ZNF566: variants seen among roughly 807,000 people sequenced by gnomAD.
ZNF566 encodes zinc finger protein 566.
A neutral mutation model predicts 32.8 loss-of-function variants in ZNF566; 27 were observed. The observed-to-expected ratio is 0.82, with a 90% CI of 0.61 to 1.14. The LOEUF is 1.14. Among genes scored for constraint, ZNF566 ranks in the 50% most tolerant of loss-of-function variants. ZNF566 has a pLI of 0.00. For synonymous variants in ZNF566, 154 were observed against 159.5 expected, an observed-to-expected ratio of 0.97 and a Z score of 0.26; for missense variants, 402 against 490.4, an observed-to-expected ratio of 0.82 and a Z score of 1.70.
At chr19:36,486,327 G>C (rs1464119749) in intron 1 of ZNF566, among the ~76,000 whole-genome samples, 2 of 152,108 alleles carry the variant, frequency 1.3e-5, no homozygotes, top group African/African-American at 4.8e-5. Flanking sequence ...ATTGCACTGT[G>C]GGCACCTGCA....
chr19:36,470,620 T>C (rs2033737726), intron 4 of ZNF566, among the ~76,000 whole-genome samples: 1 of 152,112 alleles, frequency 6.6e-6, no homozygotes, highest in Admixed American at 6.6e-5. Context: ...AAAATATATG[T>C]TGCATCAAGG....
intron 1 of ZNF566, among the ~76,000 whole-genome samples, chr19:36,487,623 G>C (rs1026488095): frequency 2.6e-5 from 4 of 152,128 alleles, no homozygotes; most frequent in African/African-American, 9.7e-5. Context: ...GAATGTGTAA[G>C]ACAGCCAGAT....
At chr19:36,464,638 C>T (rs1192134862) in intron 4 of ZNF566, among the ~76,000 whole-genome samples, 1 of 151,906 alleles carries the variant, frequency 6.6e-6, no homozygotes, top group Non-Finnish European at 1.5e-5. Flanking sequence ...AAAAGTTAGC[C>T]GGGAGTGATG....
In ZNF566 at chr19:36,479,853, T is replaced by C. The variant is rs186134880; in HGVS notation, c.-59-3237A>G. The stretch of plus-strand genomic sequence containing the variant: ...TTGCGTGTTTGCTTGGTTTTAGTTG[T>C]TTTTTTGTTTTTGTTTTTGTTTTGG... On this transcript the variant is annotated intron_variant, in intron 1 of 4. Transcript: ENST00000452939. Among the ~76,000 whole-genome samples, 210 of 152,172 alleles carry C rather than the reference T, an allele frequency of 1.4e-3. 1 individual carries two copies. The highest frequency in any genetic ancestry group is 3.4e-3 in the Middle Eastern group (1 of 294).
chr19:36,486,632 T>A lies in ZNF566; in HGVS notation c.-60+2854A>T, dbSNP rs1352309668. Reference sequence around the variant, plus strand: ...GTTGCAGTGAGCTGAGATCATGCCATTGCACTCCAGCCTGGGCAGCAAGAG... The same window carrying A: ...GTTGCAGTGAGCTGAGATCATGCCAATGCACTCCAGCCTGGGCAGCAAGAG... On this transcript the variant is annotated intron_variant, in intron 1 of 4. Transcript: ENST00000452939. Among the ~76,000 whole-genome samples, 3 of 138,562 alleles carry A rather than the reference T, an allele frequency of 2.2e-5. No individual in the cohort carries two copies. In the South Asian group the frequency reaches 6.7e-4, roughly 31 times the overall value. 90.9% of individuals were successfully genotyped at this position (138,562 alleles called of 152,430 possible).
intron 1 of ZNF566, among the ~76,000 whole-genome samples, chr19:36,479,924 T>C (rs1415359404): frequency 6.6e-6 from 1 of 152,170 alleles, no homozygotes; most frequent in African/African-American, 2.4e-5. Context: ...CTTAAACTCT[T>C]GGGCTCAAGC....
chr19:36,457,255 G>A (rs771383724), intron 4 of ZNF566, among the ~76,000 whole-genome samples: 1 of 152,028 alleles, frequency 6.6e-6, no homozygotes, highest in South Asian at 2.1e-4. Flanking sequence ...ACTCAAAATG[G>A]ATTAAAGACT....
Position 36,446,953 on chromosome 19 carries a change from T to A in ZNF566, c.*2024A>T, listed in dbSNP as rs1319486315. The A allele has an allele frequency of 6.6e-6, 1 of 152,090 alleles. No individual in the cohort carries two copies. 9.4% of individuals were successfully genotyped at this position (152,090 alleles called of 1,614,324 possible). ...AGCGTGGGGAGCTGCTTGCTGAGCA[T>A]GTTTTGAGCACAGGGAAGGCCCATT... On this transcript the variant is annotated 3_prime_UTR_variant, in exon 5 of 5. Coordinates refer to ENST00000452939, the MANE Select transcript of ZNF566 (RefSeq NM_001145344.1).
intron 4 of ZNF566, among the ~76,000 whole-genome samples, chr19:36,455,717 G>A (rs1373783825): frequency 2.0e-5 from 3 of 151,886 alleles, no homozygotes; most frequent in Non-Finnish European, 4.4e-5. Context: ...TCCAGCCTGG[G>A]TGACAGAGCG....
intron 2 of ZNF566, 76 bp from the exon 3 acceptor site, chr19:36,473,534 G>T: frequency 7.2e-7 from 1 of 1,397,560 alleles, no homozygotes; most frequent in Non-Finnish European, 9.6e-7. Context: ...AGAAGAAAAA[G>T]ATTAAGGTAG....
intron 1 of ZNF566, among the ~76,000 whole-genome samples, chr19:36,487,106 AC>A (rs60568028): frequency 0.24 from 30,893 of 130,704 alleles, 4,373 homozygotes; most frequent in South Asian, 0.33. Flanking sequence ...AAAAAAAAAA[AC>A]AAACCAAAAC....
chr19:36,467,961 C>T (rs545703957), intron 4 of ZNF566, among the ~76,000 whole-genome samples: 9 of 151,130 alleles, frequency 6.0e-5, no homozygotes, highest in East Asian at 3.9e-4. Flanking sequence ...CGAGGCAGGC[C>T]GATCACCTGA....
chr19:36,463,831 T>C (rs576194901), intron 4 of ZNF566, among the ~76,000 whole-genome samples: 2 of 152,008 alleles, frequency 1.3e-5, no homozygotes, highest in Admixed American at 6.6e-5. Context: ...GTTCAAGCAA[T>C]TCTTGTGCCT....
At chr19:36,462,686 A>G (rs2033499635) in intron 4 of ZNF566, among the ~76,000 whole-genome samples, 1 of 151,942 alleles carries the variant, frequency 6.6e-6, no homozygotes, top group African/African-American at 2.4e-5. Flanking sequence ...ATATATGTAC[A>G]TATGTATGTG....
At chr19:36,475,356 A>G (rs1040827606) in intron 2 of ZNF566, among the ~76,000 whole-genome samples, 1 of 152,092 alleles carries the variant, frequency 6.6e-6, no homozygotes, top group Admixed American at 6.6e-5. Context: ...TCAATTTTTC[A>G]TGGATGCTTA....
At chr19:36,450,147 G>T in intron 4 of ZNF566, 146 bp from the exon 5 acceptor site, 1 of 666,946 alleles carries the variant, frequency 1.5e-6, no homozygotes, top group East Asian at 2.7e-5. Context: ...ATAATAAGAT[G>T]AGGGTAGTGA....
chr19:36,471,071 G>A (rs1042179971), intron 4 of ZNF566, among the ~76,000 whole-genome samples: 4 of 151,350 alleles, frequency 2.6e-5, no homozygotes, highest in African/African-American at 7.3e-5. Flanking sequence ...AAAATTAGCC[G>A]GGCATGGTGG....
chr19:36,464,837 T>A (rs1202641180), intron 4 of ZNF566, among the ~76,000 whole-genome samples: 1 of 152,066 alleles, frequency 6.6e-6, no homozygotes, highest in Non-Finnish European at 1.5e-5. Flanking sequence ...CCAAAAAGTA[T>A]AAAGCATACA....
chr19:36,472,590 T>C (rs1352154891), intron 4 of ZNF566, among the ~76,000 whole-genome samples: 1 of 152,186 alleles, frequency 6.6e-6, no homozygotes. Context: ...GAGACAGTGA[T>C]GCTTTTATTA....
Sources: gnomAD v4.1 joint callset for allele counts (sites outside exome capture counted in the v4.1 genomes callset) on GRCh38, gnomAD v4.1.1 for gene constraint, MANE v1.5 for transcripts, NCBI Gene and HGNC (gene_info 2026-07-23, HGNC 2026-07-21) for gene names.